MPRIP: variants seen among roughly 807,000 people sequenced by gnomAD.
The protein encoded by MPRIP is myosin phosphatase Rho-interacting protein.
MPRIP carries 59 observed loss-of-function variants against 234.9 expected under a neutral mutation model. The observed-to-expected ratio is 0.25, with a 90% CI of 0.20 to 0.31. The LOEUF (loss-of-function observed/expected upper bound fraction) is 0.31. MPRIP is among the 10% of genes least tolerant of loss of function. The pLI is 1.00. For synonymous variants in MPRIP, 1,144 were observed against 1,263.9 expected (o/e 0.91, Z 2.01); for missense variants, 2,436 against 3,071.0 (o/e 0.79, Z 4.89).
chr17:17,051,714 G>A (rs1201322278), intron 1 of MPRIP, among the ~76,000 whole-genome samples: 1 of 152,248 alleles, frequency 6.6e-6, no homozygotes. Context: ...CACTTCCGTT[G>A]GGGGCAAGAG....
chr17:17,140,947 A>G (rs1020707397), intron 7 of MPRIP, among the ~76,000 whole-genome samples: 2 of 152,144 alleles, frequency 1.3e-5, no homozygotes, highest in Non-Finnish European at 2.9e-5. Context: ...TCCCACCTGC[A>G]GCTTCCAGGG....
At chr17:17,071,880 C>T (rs2089202829) in intron 1 of MPRIP, among the ~76,000 whole-genome samples, 1 of 152,194 alleles carries the variant, frequency 6.6e-6, no homozygotes, top group Non-Finnish European at 1.5e-5. Context: ...TCAGATCCCC[C>T]ATGTCAACAA....
chr17:17,111,989 C>T (rs1266281205), intron 3 of MPRIP, among the ~76,000 whole-genome samples: 3 of 152,120 alleles, frequency 2.0e-5, no homozygotes, highest in Non-Finnish European at 2.9e-5. Context: ...TGTTCATTGT[C>T]GCATGACAGT....
chr17:17,113,621 C>A (rs1423741649), intron 3 of MPRIP, among the ~76,000 whole-genome samples: 1 of 152,202 alleles, frequency 6.6e-6, no homozygotes, highest in Non-Finnish European at 1.5e-5. Flanking sequence ...GTACAAATAT[C>A]TGTTCGAGTC....
At chr17:17,120,904 G>A (rs1263569162) in intron 3 of MPRIP, among the ~76,000 whole-genome samples, 1 of 152,162 alleles carries the variant, frequency 6.6e-6, no homozygotes, top group Non-Finnish European at 1.5e-5. Flanking sequence ...GGCCTACCCA[G>A]ACACAGATGG....
intron 3 of MPRIP, among the ~76,000 whole-genome samples, chr17:17,080,776 T>C (rs948815665): frequency 6.6e-6 from 1 of 152,256 alleles, no homozygotes; most frequent in Admixed American, 6.5e-5. Flanking sequence ...AAAATGTAAA[T>C]GTGATTTGCT....
rs777791607 is a variant in MPRIP, at chr17:17,138,085, C to T, written c.906C>T (p.Cys302=). Residue 302 remains cysteine (C), a synonymous_variant, in exon 7 of 24, where the codon TGC becomes TGT. Transcript: ENST00000651222. This position sits in a 1 kb window ranked among gnomAD's most constrained non-coding sequence, Gnocchi z 5.8. ...GCACCCCCAACCACAGGTACAGTTGCCCCGAGTCGCCCTCCCAGGAGCTCG... is the reference window on the plus strand; with the variant it reads ...GCACCCCCAACCACAGGTACAGTTGTCCCGAGTCGCCCTCCCAGGAGCTCG... ...SPSTPNHRYS[C]PESPSQELGG... The T allele has an allele frequency of 1.9e-6, 3 of 1,570,908 alleles. No individual in the cohort carries two copies. The South Asian group carries it at 3.5e-5, about 18-fold the overall frequency.
intron 13 of MPRIP, among the ~76,000 whole-genome samples, chr17:17,155,596 C>T (rs541704076): frequency 6.6e-6 from 1 of 152,338 alleles, no homozygotes; most frequent in South Asian, 2.1e-4. Flanking sequence ...GACTCCACAC[C>T]TCTTTACATA....
chr17:17,073,281 A>G (rs780705042), intron 1 of MPRIP, among the ~76,000 whole-genome samples: 1 of 152,126 alleles, frequency 6.6e-6, no homozygotes, highest in Admixed American at 6.5e-5. Context: ...GTGGTGATCC[A>G]TATCAGGAAG....
chr17:17,078,979 A>C lies in MPRIP; in HGVS notation c.267+903A>C, dbSNP rs576200596. 2.0e-5 allele frequency among the ~76,000 whole-genome samples: 3 copies of C among 152,130 alleles called. No homozygotes were observed. The highest frequency in any genetic ancestry group is 6.5e-5 in the Admixed American group (1 of 15,290). On this transcript the variant is annotated intron_variant, in intron 3 of 23. Coordinates refer to ENST00000651222, the MANE Select transcript of MPRIP (RefSeq NM_001364716.4). This position sits in a 1 kb window ranked among gnomAD's most constrained non-coding sequence, Gnocchi z 4.3. ...GGCAGCCCCTGCCTATCCTACCCAG[A>C]GTTTGTTTCTTTGCTGCAGGGGCGA...
intron 5 of MPRIP, among the ~76,000 whole-genome samples, chr17:17,133,189 G>A (rs956651730): frequency 6.6e-6 from 1 of 152,152 alleles, no homozygotes; most frequent in Non-Finnish European, 1.5e-5. Flanking sequence ...TTCACTGAGG[G>A]TCTCTTAGAG....
rs1567774059 is a variant in MPRIP, at chr17:17,171,614, C to T, written c.6325-104C>T. On this transcript the variant is annotated intron_variant, in intron 16 of 23. Coordinates refer to ENST00000651222, the MANE Select transcript of MPRIP (RefSeq NM_001364716.4). ...AGCAAGCTCAGTGAATGCCCAGTCA[C>T]AGCTGGGCCTGGACAGGGTGGGATT... 19 of 1,428,270 alleles carry T rather than the reference C, an allele frequency of 1.3e-5. No homozygotes were observed. The East Asian group carries it at 4.1e-4, about 31-fold the overall frequency. 88.5% of individuals were successfully genotyped at this position (1,428,270 alleles called of 1,614,324 possible).
At chr17:17,096,873 GA>G in intron 3 of MPRIP, 1 of 449,450 alleles carries the variant, frequency 2.2e-6, no homozygotes, top group Non-Finnish European at 4.6e-6. Flanking sequence ...CTCAGAGGTG[GA>G]AAATAAATAT....
chr17:17,177,229 C>T (rs778227036), intron 21 of MPRIP, 21 bp from the exon 22 acceptor site: 1 of 1,606,920 alleles, frequency 6.2e-7, no homozygotes, highest in South Asian at 1.1e-5. Context: ...AACTACCATT[C>T]TCTGTCATTT....
intron 3 of MPRIP, among the ~76,000 whole-genome samples, chr17:17,080,342 C>A (rs939445762): frequency 1.3e-5 from 2 of 152,222 alleles, no homozygotes; most frequent in African/African-American, 4.8e-5. Flanking sequence ...GAGCAGACAG[C>A]CTGTAGCCCA....
chr17:17,043,383 G>A (rs149589057), intron 1 of MPRIP, among the ~76,000 whole-genome samples: 5 of 152,252 alleles, frequency 3.3e-5, no homozygotes, highest in African/African-American at 1.2e-4. Flanking sequence ...CCGTCTAGTG[G>A]GACGCAGCCT....
Position 17,147,344 on chromosome 17 carries a change from C to A in MPRIP, c.1586C>A (p.Ala529Asp). Reference protein sequence around the residue: ...GQWKKHWFVLADQSLRYYRDS... With the variant: ...GQWKKHWFVLDDQSLRYYRDS... ...TGGAAGAAACACTGGTTTGTCCTCG[C>A]CGATCAAAGCCTGAGATACTACAGG... Residue 529 changes from alanine (A) to aspartate (D), a missense_variant, in exon 11 of 24, where the codon GCC becomes GAC. By Grantham distance (126) the Ala-to-Asp change is moderately radical. This residue lies in a region of MPRIP where 1,998 missense variants were observed against 2,520.3 expected (regional missense o/e 0.79). Coordinates refer to ENST00000651222, the MANE Select transcript of MPRIP (RefSeq NM_001364716.4). 12 of 1,614,144 alleles carry A rather than the reference C, an allele frequency of 7.4e-6. No homozygotes were observed. The highest frequency in any genetic ancestry group is 1.0e-5 in the Non-Finnish European group (12 of 1,180,014).
chr17:17,115,433 T>C (rs2090264785), intron 3 of MPRIP, among the ~76,000 whole-genome samples: 1 of 152,164 alleles, frequency 6.6e-6, no homozygotes, highest in African/African-American at 2.4e-5. Context: ...CAGGCCTGGG[T>C]TGGCAGGGAG....
chr17:17,089,800 G>T (rs1158864973), intron 3 of MPRIP, among the ~76,000 whole-genome samples: 1 of 152,168 alleles, frequency 6.6e-6, no homozygotes, highest in African/African-American at 2.4e-5. Context: ...TGTGTTTTCA[G>T]TGTGAAGCAG....
Sources: gnomAD v4.1 joint callset for allele counts (sites outside exome capture counted in the v4.1 genomes callset) on GRCh38, gnomAD v4.1.1 for gene constraint, gnomAD v4.1.1 regional missense constraint, Gnocchi (gnomAD v3.1) non-coding constraint, MANE v1.5 for transcripts, NCBI Gene and HGNC (gene_info 2026-07-23, HGNC 2026-07-21) for gene names.